Variants in SDK1 observed in about 807,000 individuals in gnomAD.
The protein encoded by SDK1 is protein sidekick-1.
Under a neutral mutation model 245.5 loss-of-function variants are expected in SDK1, and 157 were observed. The ratio of observed to expected loss-of-function variants is 0.64; its 90% CI spans 0.56 to 0.73. The LOEUF (loss-of-function observed/expected upper bound fraction) is 0.73, where lower values mean the gene tolerates loss of function less well. SDK1 is among the 30% of genes least tolerant of loss of function. The pLI, the probability that SDK1 is intolerant of heterozygous loss-of-function variation, is 0.00. For missense variants in SDK1, 3,583 were observed against 3,002.3 expected (o/e 1.19, Z -4.52); for synonymous variants, 1,647 against 1,278.5 (o/e 1.29, Z -6.15).
At chr7:3,461,304 G>A (rs1392974202) in intron 1 of SDK1, among the ~76,000 whole-genome samples, 1 of 152,142 alleles carries the variant, frequency 6.6e-6, no homozygotes, top group Non-Finnish European at 1.5e-5. Context: ...GAGCGACATG[G>A]TCTGTTTCCC....
chr7:3,396,243 T>G (rs1781893697), intron 1 of SDK1, among the ~76,000 whole-genome samples: 1 of 151,882 alleles, frequency 6.6e-6, no homozygotes, highest in Admixed American at 6.6e-5. Context: ...AACTGCATTA[T>G]TGTTGGTAAA....
At chr7:3,499,736 G>T in intron 1 of SDK1, among the ~76,000 whole-genome samples, 1 of 152,178 alleles carries the variant, frequency 6.6e-6, no homozygotes, top group Non-Finnish European at 1.5e-5. Context: ...AGCCGGGCCT[G>T]TTTTTCCCTG....
chr7:3,950,149 G>A (rs765593399), intron 5 of SDK1, among the ~76,000 whole-genome samples: 1 of 152,238 alleles, frequency 6.6e-6, no homozygotes, highest in Non-Finnish European at 1.5e-5. Flanking sequence ...GAGCAGTAGC[G>A]TAAGGCCCGG....
chr7:3,350,212 A>G (rs537670683), intron 1 of SDK1, among the ~76,000 whole-genome samples: 3 of 152,280 alleles, frequency 2.0e-5, no homozygotes, highest in African/African-American at 7.2e-5. Flanking sequence ...AAAACATAGG[A>G]TGGATGTGCC....
rs1394087291 is a variant in SDK1 at position 3,301,618 on chromosome 7, G to A, written c.32G>A (p.Gly11Asp). Residue 11 changes from glycine (G) to aspartate (D), a missense_variant, in exon 1 of 45, where the codon GGT becomes GAT. Transcript: ENST00000404826. The stretch of plus-strand genomic sequence containing the variant: ...CGGGGCGCCCGGCCCTCGGCGGCCG[G>A]TGGCGGCGGCGGCGGCGCGGAGCCC... Reference protein sequence around the residue: MARGARPSAAGGGGGGAEPPE... With the variant: MARGARPSAADGGGGGAEPPE... The A allele has an allele frequency of 1.5e-5, 15 of 977,514 alleles. No homozygotes were observed. The highest frequency in any genetic ancestry group is 1.8e-5 in the Non-Finnish European group (15 of 826,470). The allele number at this position is 977,514 out of a possible 1,614,324, so 60.6% of individuals were successfully genotyped here.
At chr7:3,331,540 A>G (rs1188427900) in intron 1 of SDK1, among the ~76,000 whole-genome samples, 1 of 152,044 alleles carries the variant, frequency 6.6e-6, no homozygotes, top group African/African-American at 2.4e-5. Context: ...TAAGTGCTTT[A>G]TCAGGTATGA....
chr7:4,111,267 C>T (rs1783323706), intron 23 of SDK1, among the ~76,000 whole-genome samples: 1 of 152,194 alleles, frequency 6.6e-6, no homozygotes, highest in South Asian at 2.1e-4. Flanking sequence ...CTGATCCGGG[C>T]AGTAAATCCT....
chr7:3,517,930 A>T (rs1410749605), intron 1 of SDK1, among the ~76,000 whole-genome samples: 1 of 152,112 alleles, frequency 6.6e-6, no homozygotes, highest in South Asian at 2.1e-4. Flanking sequence ...TTCTCAGTTT[A>T]ATGGTAATTC....
chr7:4,171,993 A>G (rs1484530900), intron 32 of SDK1, among the ~76,000 whole-genome samples: 6 of 152,102 alleles, frequency 3.9e-5, no homozygotes, highest in Non-Finnish European at 7.4e-5. Flanking sequence ...GGGGTCCGAC[A>G]CCCCTGGGCC....
At chr7:3,536,242 G>T (rs2341026) in intron 1 of SDK1, among the ~76,000 whole-genome samples, 7 of 150,228 alleles carry the variant, frequency 4.7e-5, no homozygotes, top group Non-Finnish European at 5.9e-5. Context: ...TTGTGTGTGT[G>T]TTTTTACTAG....
intron 4 of SDK1, among the ~76,000 whole-genome samples, chr7:3,744,122 A>C (rs574113372): frequency 6.6e-6 from 1 of 151,960 alleles, no homozygotes; most frequent in East Asian, 1.9e-4. Context: ...CTTGCTGTTC[A>C]TCTGCCTTGA....
chr7:4,086,857 A>G (rs998381856), intron 22 of SDK1, among the ~76,000 whole-genome samples: 5 of 152,236 alleles, frequency 3.3e-5, no homozygotes, highest in African/African-American at 9.6e-5. Context: ...AGCCTTTTGC[A>G]TAGTCATTTT....
chr7:4,063,820 A>T (rs998821596), intron 19 of SDK1, among the ~76,000 whole-genome samples: 2 of 152,150 alleles, frequency 1.3e-5, no homozygotes, highest in African/African-American at 4.8e-5. Flanking sequence ...ACATATCCAT[A>T]TATTTACAAC....
chr7:3,693,268 T>C (rs1784483029), intron 4 of SDK1, among the ~76,000 whole-genome samples: 1 of 152,230 alleles, frequency 6.6e-6, no homozygotes, highest in African/African-American at 2.4e-5. Flanking sequence ...TTTCTTTTAC[T>C]AATTTCCCTT....
intron 22 of SDK1, among the ~76,000 whole-genome samples, chr7:4,102,718 T>C (rs953718121): frequency 1.3e-5 from 2 of 151,958 alleles, no homozygotes; most frequent in Non-Finnish European, 2.9e-5. Flanking sequence ...AGGCCGGATC[T>C]CATGTGCACA....
intron 1 of SDK1, among the ~76,000 whole-genome samples, chr7:3,609,499 C>A (rs1781525683): frequency 6.6e-6 from 1 of 152,142 alleles, no homozygotes; most frequent in African/African-American, 2.4e-5. Flanking sequence ...TTCCCGGTTT[C>A]AAACGATTCT....
At chr7:3,531,958 T>G (rs779084095) in intron 1 of SDK1, among the ~76,000 whole-genome samples, 2 of 152,222 alleles carry the variant, frequency 1.3e-5, no homozygotes, top group Non-Finnish European at 2.9e-5. Flanking sequence ...TATCTGGTCA[T>G]TTTCCAGAAT....
intron 17 of SDK1, among the ~76,000 whole-genome samples, chr7:4,034,187 G>A (rs10266101): frequency 6.6e-6 from 1 of 152,044 alleles, no homozygotes; most frequent in Non-Finnish European, 1.5e-5. Flanking sequence ...GAAATTGGAC[G>A]GCAGCCTCCA....
intron 1 of SDK1, among the ~76,000 whole-genome samples, chr7:3,396,739 G>T (rs1447462384): frequency 6.6e-6 from 1 of 151,238 alleles, no homozygotes; most frequent in African/African-American, 2.4e-5. Flanking sequence ...CTGTATCTTT[G>T]TATCTAATGT....
Sources: gnomAD v4.1 joint callset for allele counts (sites outside exome capture counted in the v4.1 genomes callset) on GRCh38, gnomAD v4.1.1 for gene constraint, MANE v1.5 for transcripts, NCBI Gene and HGNC (gene_info 2026-07-23, HGNC 2026-07-21) for gene names.